CAMTA1: variants seen among roughly 807,000 people sequenced by gnomAD.
CAMTA1 encodes calmodulin-binding transcription activator 1.
In CAMTA1, 27 loss-of-function variants were observed where a neutral mutation model predicts 170.9. That is an observed-to-expected ratio of 0.16 (90% confidence interval 0.12 to 0.22). The LOEUF (loss-of-function observed/expected upper bound fraction) is 0.22, where lower values mean the gene tolerates loss of function less well. CAMTA1 is among the 10% of genes least tolerant of loss of function. The pLI, the probability that CAMTA1 is intolerant of heterozygous loss-of-function variation, is 1.00. For missense variants in CAMTA1, 1,619 were observed against 2,217.2 expected, an observed-to-expected ratio of 0.73 and a Z score of 5.42; for synonymous variants, 833 against 891.5, an observed-to-expected ratio of 0.93 and a Z score of 1.17.
At chr1:6,826,617 G>A (rs59454277) in intron 3 of CAMTA1, among the ~76,000 whole-genome samples, 2,583 of 152,228 alleles carry the variant, frequency 0.017, 33 homozygotes, top group South Asian at 0.033. Flanking sequence ...TATTATACAC[G>A]TTAGTTCTAG....
At chr1:7,165,262 T>C (rs1648138390) in intron 4 of CAMTA1, among the ~76,000 whole-genome samples, 1 of 152,202 alleles carries the variant, frequency 6.6e-6, no homozygotes, top group Non-Finnish European at 1.5e-5. Context: ...TAGAGAATAA[T>C]GTAATGTACA....
Position 7,199,093 on chromosome 1 carries a change from G to C in CAMTA1, c.303-50398G>C, listed in dbSNP as rs143651264. Among the ~76,000 whole-genome samples, 413 of 152,296 alleles carry C rather than the reference G, an allele frequency of 2.7e-3. 1 individual carries two copies. Among genetic ancestry groups the C allele is most frequent in the African/African-American group, 9.5e-3 (396 of 41,564 alleles). On this transcript the variant is annotated intron_variant, in intron 4 of 22. Transcript: ENST00000303635. The stretch of plus-strand genomic sequence containing the variant: ...CTCCCCTAAGCGCCTGGAGGTTTGC[G>C]CGGCACGTGGTGGGTACTGTCTCCA...
chr1:7,369,782 A>G (rs2086296362), intron 5 of CAMTA1, among the ~76,000 whole-genome samples: 1 of 152,030 alleles, frequency 6.6e-6, no homozygotes, highest in Non-Finnish European at 1.5e-5. Context: ...ACACCCCCTT[A>G]TCACATTGTT....
chr1:7,604,368 CTTGT>C (rs1188627065), intron 6 of CAMTA1, among the ~76,000 whole-genome samples: 2 of 152,300 alleles, frequency 1.3e-5, no homozygotes, highest in Non-Finnish European at 2.9e-5. Flanking sequence ...TTCTTGGAGG[CTTGT>C]TTGTTTCTTT....
rs1236129905 is a variant in CAMTA1 at position 7,435,530 on chromosome 1, C to T, written c.439-32300C>T. Among the ~76,000 whole-genome samples, 2 of 152,304 alleles carry T rather than the reference C, an allele frequency of 1.3e-5. No individual in the cohort carries two copies. The highest frequency in any genetic ancestry group is 2.4e-5 in the African/African-American group (1 of 41,554). On this transcript the variant is annotated intron_variant, in intron 5 of 22. Transcript: ENST00000303635. This position sits in a 1 kb window ranked among gnomAD's most constrained non-coding sequence, Gnocchi z 4.4. Reference sequence around the variant, plus strand: ...CCTCTGTTACCCTGAAGAGAGCAACCGGCAGTGGGCTCTTCAGGGTTCTCA... The same window carrying T: ...CCTCTGTTACCCTGAAGAGAGCAACTGGCAGTGGGCTCTTCAGGGTTCTCA...
rs1658681454 is a variant in CAMTA1, at chr1:7,211,170, A to C, written c.303-38321A>C. On this transcript the variant is annotated intron_variant, in intron 4 of 22. Transcript: ENST00000303635. ...CATTTCAAAGTAAGTTGTAGATGTC[A>C]GCACACTTCATCCATAAACACTTTG... is the stretch of plus-strand genomic sequence containing the variant. 2.0e-5 allele frequency among the ~76,000 whole-genome samples: 3 copies of C among 152,242 alleles called. 1 individual carries two copies. The South Asian group carries it at 6.2e-4, about 32-fold the overall frequency.
rs533588640 is a variant in CAMTA1 at position 6,806,258 on chromosome 1, T to G, written c.46-13923T>G. 5.9e-5 allele frequency among the ~76,000 whole-genome samples: 9 copies of G among 152,362 alleles called. No homozygotes were observed. The South Asian group carries it at 1.9e-3, about 32-fold the overall frequency. On this transcript the variant is annotated intron_variant, in intron 1 of 22. Coordinates refer to ENST00000303635, the MANE Select transcript of CAMTA1 (RefSeq NM_015215.4). ...TGCCATTACCACAATGTCTTGATTC[T>G]GTAGCTTTGTAGTAAGTTTTGAAAT...
chr1:7,147,508 C>T (rs1251877160), intron 4 of CAMTA1, among the ~76,000 whole-genome samples: 2 of 151,310 alleles, frequency 1.3e-5, no homozygotes, highest in Non-Finnish European at 2.9e-5. Flanking sequence ...AAATATACAC[C>T]ATGCATGCAC....
At chr1:7,524,135 G>C (rs375949072) in intron 6 of CAMTA1, among the ~76,000 whole-genome samples, 53 of 152,172 alleles carry the variant, frequency 3.5e-4, no homozygotes, top group African/African-American at 1.2e-3. Flanking sequence ...CTGGGAGGCA[G>C]AGATTGCAGT....
chr1:7,702,972 G>T (rs1448067693), intron 11 of CAMTA1, among the ~76,000 whole-genome samples: 1 of 152,134 alleles, frequency 6.6e-6, no homozygotes, highest in Non-Finnish European at 1.5e-5. Context: ...CCGCACCATA[G>T]ATATGAAGGC....
At chr1:7,573,755 G>T (rs1026033712) in intron 6 of CAMTA1, among the ~76,000 whole-genome samples, 1 of 152,040 alleles carries the variant, frequency 6.6e-6, no homozygotes, top group African/African-American at 2.4e-5. Context: ...TGACATCATC[G>T]TTTTTTGGGT....
chr1:7,068,128 G>A (rs1425883902), intron 3 of CAMTA1, among the ~76,000 whole-genome samples: 3 of 152,098 alleles, frequency 2.0e-5, no homozygotes, highest in Admixed American at 6.6e-5. Context: ...AGGTAATTTA[G>A]GTTGGATTTT....
rs535352635 is a variant in CAMTA1 at position 7,309,330 on chromosome 1, C to T, written c.438+59704C>T. Among the ~76,000 whole-genome samples the T allele has an allele frequency of 6.2e-3, 743 of 119,484 alleles. 2 individuals carry two copies. Among genetic ancestry groups the T allele is most frequent in the Non-Finnish European group, 8.3e-3 (514 of 62,076 alleles). The allele number at this position is 119,484 out of a possible 152,430, so 78.4% of individuals were successfully genotyped here. A position where few individuals can be genotyped will look rare whatever the true frequency, so the allele number is the denominator to read the frequency against. Reference sequence around the variant, plus strand: ...TTTTTTTTTTTTTGAGACGGAGTCTCGCTCTGTCGCCCAGGCTGGAGTGCA... The same window carrying T: ...TTTTTTTTTTTTTGAGACGGAGTCTTGCTCTGTCGCCCAGGCTGGAGTGCA... On this transcript the variant is annotated intron_variant, in intron 5 of 22. Transcript: ENST00000303635.
chr1:7,185,502 A>T (rs1477049568), intron 4 of CAMTA1, among the ~76,000 whole-genome samples: 1 of 152,186 alleles, frequency 6.6e-6, no homozygotes, highest in Non-Finnish European at 1.5e-5. Context: ...AAAAGAAGGA[A>T]TAGTGTTTCT....
At chr1:7,384,419 A>G (rs1016884751) in intron 5 of CAMTA1, among the ~76,000 whole-genome samples, 6 of 152,194 alleles carry the variant, frequency 3.9e-5, no homozygotes, top group Non-Finnish European at 4.4e-5. Flanking sequence ...TAGCTTCTTC[A>G]TGTCCACTGC....
intron 4 of CAMTA1, among the ~76,000 whole-genome samples, chr1:7,127,117 CAG>C (rs912605120): frequency 6.6e-5 from 10 of 152,144 alleles, no homozygotes; most frequent in Admixed American, 5.2e-4. Flanking sequence ...GCCTGGGAGA[CAG>C]GGGGCTGAGC....
chr1:6,831,884 G>A lies in CAMTA1; in HGVS notation c.234+6674G>A, dbSNP rs181367027. 2.6e-3 allele frequency among the ~76,000 whole-genome samples: 395 copies of A among 151,746 alleles called. 1 individual carries two copies. Among genetic ancestry groups the A allele is most frequent in the African/African-American group, 6.8e-3 (280 of 41,474 alleles). Reference sequence around the variant, plus strand: ...GATACATTCTAAGCCACACCAAAGCGTCTGCAGGAGAAAAAACAAAACAAA... The same window carrying A: ...GATACATTCTAAGCCACACCAAAGCATCTGCAGGAGAAAAAACAAAACAAA... On this transcript the variant is annotated intron_variant, in intron 3 of 22. Coordinates refer to ENST00000303635, the MANE Select transcript of CAMTA1 (RefSeq NM_015215.4).
intron 11 of CAMTA1, among the ~76,000 whole-genome samples, chr1:7,719,849 A>G (rs1558214402): frequency 6.6e-6 from 1 of 152,264 alleles, no homozygotes; most frequent in Non-Finnish European, 1.5e-5. Flanking sequence ...CTCTACAGAA[A>G]TAGTTGCAGG....
At chr1:7,022,178 T>C (rs1701447387) in intron 3 of CAMTA1, among the ~76,000 whole-genome samples, 3 of 152,182 alleles carry the variant, frequency 2.0e-5, no homozygotes, top group African/African-American at 7.2e-5. Flanking sequence ...TAGTTTGAGA[T>C]TGAAGAAAAG....
Sources: allele counts gnomAD v4.1 joint callset (sites outside exome capture counted in the v4.1 genomes callset), GRCh38; gene constraint gnomAD v4.1.1; non-coding constraint Gnocchi (gnomAD v3.1); transcripts MANE v1.5; gene names NCBI Gene and HGNC (gene_info 2026-07-23, HGNC 2026-07-21).